Variants in SLC7A6 observed in about 807,000 individuals in gnomAD.
The protein encoded by SLC7A6 is Y+L amino acid transporter 2.
Under a neutral mutation model 46.6 loss-of-function variants are expected in SLC7A6, and 29 were observed. The observed-to-expected ratio is 0.62, with a 90% CI of 0.46 to 0.85. The LOEUF is 0.85. Ranked by LOEUF, SLC7A6 falls within the 40% of genes least tolerant of loss-of-function variation. The pLI, the probability that SLC7A6 is intolerant of heterozygous loss-of-function variation, is 0.00. For synonymous variants in SLC7A6, 276 were observed against 257.3 expected (o/e 1.07, Z -0.70); for missense variants, 527 against 647.6 (o/e 0.81, Z 2.02).
At chr16:68,272,797 T>C (rs943313207) in intron 2 of SLC7A6, among the ~76,000 whole-genome samples, 3 of 152,242 alleles carry the variant, frequency 2.0e-5, no homozygotes, top group African/African-American at 7.2e-5. Flanking sequence ...GGGTCAGATT[T>C]CTCTGCTTGT....
chr16:68,276,271 T>TAG (rs1331053706), intron 3 of SLC7A6, among the ~76,000 whole-genome samples: 1 of 152,130 alleles, frequency 6.6e-6, no homozygotes, highest in Non-Finnish European at 1.5e-5. Context: ...TCTTATGGGG[T>TAG]AGTAAGGAGA....
chr16:68,294,217 C>G (rs968446345), intron 7 of SLC7A6, among the ~76,000 whole-genome samples: 1 of 152,166 alleles, frequency 6.6e-6, no homozygotes, highest in African/African-American at 2.4e-5. Flanking sequence ...TTTTCCCAGT[C>G]GGTAGAGCTC....
chr16:68,270,878 T>TG (rs35466843), intron 2 of SLC7A6, among the ~76,000 whole-genome samples: 1 of 143,936 alleles, frequency 6.9e-6, no homozygotes, highest in Admixed American at 7.0e-5. Context: ...TTTTTTTTTT[T>TG]GAAACAGTCT....
chr16:68,289,907 G>A (rs902765343), intron 4 of SLC7A6, among the ~76,000 whole-genome samples: 2 of 152,190 alleles, frequency 1.3e-5, no homozygotes, highest in Admixed American at 1.3e-4. Flanking sequence ...GCAGTAGTCT[G>A]GTCCAAGAGA....
At chr16:68,271,814 T>C (rs1567582119) in intron 2 of SLC7A6, among the ~76,000 whole-genome samples, 1 of 151,462 alleles carries the variant, frequency 6.6e-6, no homozygotes, top group African/African-American at 2.5e-5. Flanking sequence ...CTTTTCTTTT[T>C]TTTTTTGAGA....
At chr16:68,269,204 A>G (rs2042584078) in intron 2 of SLC7A6, among the ~76,000 whole-genome samples, 1 of 152,158 alleles carries the variant, frequency 6.6e-6, no homozygotes, top group Admixed American at 6.5e-5. Flanking sequence ...ATCAAACACA[A>G]TTATTTTAAA....
rs1364761903 is a variant in SLC7A6 at position 68,297,788 on chromosome 16, T to A, written c.*460T>A. 6.5e-6 allele frequency: 1 copy of A among 153,706 alleles called. No individual in the cohort carries two copies. Among genetic ancestry groups the A allele is most frequent in the Admixed American group, 6.5e-5 (1 of 15,342 alleles). The allele number at this position is 153,706 out of a possible 1,614,324, so 9.5% of individuals were successfully genotyped here. A position where few individuals can be genotyped will look rare whatever the true frequency, so the allele number is the denominator to read the frequency against. On this transcript the variant is annotated 3_prime_UTR_variant, in exon 11 of 11. Transcript: ENST00000219343. ...AAATGCTACCATTTCTTCCTCTGGC[T>A]CAAAATTCTTCCCTGGGGAGAGAGT...
intron 6 of SLC7A6, 54 bp downstream of exon 6, chr16:68,291,386 T>G: frequency 6.2e-7 from 1 of 1,606,460 alleles, no homozygotes; most frequent in East Asian, 2.2e-5. Context: ...TGAGCCACCC[T>G]GCACAGCTCA....
At position 68,297,613 on chromosome 16, in the gene SLC7A6, C is replaced by G; in HGVS notation, c.*285C>G. ...TAGATGCAGCTCTTACAGATATTTA[C>G]TTGGTAAAGTGCAGTGGGGAAGAGG... On this transcript the variant is annotated 3_prime_UTR_variant, in exon 11 of 11. Coordinates refer to ENST00000219343, the MANE Select transcript of SLC7A6 (RefSeq NM_003983.6). The G allele has an allele frequency of 3.2e-6, 1 of 316,724 alleles. No individual in the cohort carries two copies. Among genetic ancestry groups the G allele is most frequent in the Non-Finnish European group, 5.8e-6 (1 of 171,268 alleles). 19.6% of individuals were successfully genotyped at this position (316,724 alleles called of 1,614,324 possible).
chr16:68,292,591 G>A (rs1267147030), intron 7 of SLC7A6: 1 of 152,066 alleles, frequency 6.6e-6, no homozygotes, highest in Non-Finnish European at 1.5e-5. Flanking sequence ...TCAAACTCCT[G>A]GTCTCAAGTG....
chr16:68,294,862 G>T, intron 8 of SLC7A6, 61 bp downstream of exon 8: 1 of 1,185,576 alleles, frequency 8.4e-7, no homozygotes. Context: ...TCTGATTTGT[G>T]CTAAGTTGTT....
chr16:68,293,897 CTTTT>C (rs961156104), intron 7 of SLC7A6, among the ~76,000 whole-genome samples: 3 of 152,168 alleles, frequency 2.0e-5, no homozygotes, highest in East Asian at 3.9e-4. Context: ...CTGTGCCAGT[CTTTT>C]TTTGTTTGTT....
intron 2 of SLC7A6, among the ~76,000 whole-genome samples, chr16:68,271,969 A>T (rs1374333137): frequency 2.0e-5 from 3 of 151,732 alleles, no homozygotes; most frequent in Non-Finnish European, 2.9e-5. Flanking sequence ...GCCCAGCTAA[A>T]TTTTTTTGTA....
Position 68,288,149 on chromosome 16 carries a change from T to C in SLC7A6, c.649+278T>C, listed in dbSNP as rs553520924. On this transcript the variant is annotated intron_variant, in intron 4 of 10. Transcript: ENST00000219343. ...CAAGGGCCTAGGAGCTCCTGAAGCT[T>C]GGGTCATGATTGGGTCATAAAAGTA... Among the ~76,000 whole-genome samples the C allele has an allele frequency of 7.9e-5, 12 of 152,210 alleles. No individual in the cohort carries two copies. In the South Asian group the frequency reaches 2.5e-3, roughly 32 times the overall value.
At chr16:68,274,667 T>C (rs930355629) in intron 2 of SLC7A6, 24 bp from the exon 3 acceptor site, 1 of 1,594,066 alleles carries the variant, frequency 6.3e-7, no homozygotes, top group African/African-American at 1.3e-5. Context: ...TGCCCTAGAC[T>C]GACATACTTG....
intron 7 of SLC7A6, 101 bp downstream of exon 7, chr16:68,291,762 GGTGTGTGTGT>G (rs10525504): frequency 1.5e-3 from 820 of 548,008 alleles, no homozygotes; most frequent in East Asian, 7.4e-3. Flanking sequence ...GGGCATATAG[GGTGTGTGTGT>G]GTGTGTGTGT....
chr16:68,266,146 C>G (rs2042529383), intron 1 of SLC7A6, among the ~76,000 whole-genome samples: 1 of 152,026 alleles, frequency 6.6e-6, no homozygotes, highest in East Asian at 1.9e-4. Context: ...TGTAGTCCCA[C>G]CTACTCGGGA....
intron 3 of SLC7A6, among the ~76,000 whole-genome samples, chr16:68,279,725 G>A (rs914380766): frequency 1.3e-5 from 2 of 152,158 alleles, no homozygotes; most frequent in Admixed American, 6.5e-5. Flanking sequence ...TTTTAGTAGA[G>A]ATGCGGTTTT....
intron 3 of SLC7A6, among the ~76,000 whole-genome samples, chr16:68,279,670 C>T (rs1453151009): frequency 6.6e-6 from 1 of 152,210 alleles, no homozygotes; most frequent in Admixed American, 6.5e-5. Context: ...TCCCAAGTAG[C>T]TGGGATTACA....
Sources: gnomAD v4.1 joint callset for allele counts (sites outside exome capture counted in the v4.1 genomes callset) on GRCh38, gnomAD v4.1.1 for gene constraint, MANE v1.5 for transcripts, NCBI Gene and HGNC (gene_info 2026-07-23, HGNC 2026-07-21) for gene names.